Variants in XYLT1 observed in about 807,000 individuals in gnomAD.
XYLT1 encodes xylosyltransferase 1.
In XYLT1, 36 loss-of-function variants were observed where a neutral mutation model predicts 91.3. That is an observed-to-expected ratio of 0.39 (90% CI 0.30 to 0.52). The LOEUF (loss-of-function observed/expected upper bound fraction) is 0.52, where lower values mean the gene tolerates loss of function less well. Ranked by LOEUF, XYLT1 falls within the 20% of genes least tolerant of loss-of-function variation. XYLT1 has a pLI of 0.68. For missense variants in XYLT1, 1,242 were observed against 1,284.5 expected (o/e 0.97, Z 0.51); for synonymous variants, 588 against 532.0 (o/e 1.11, Z -1.45).
intron 6 of XYLT1, among the ~76,000 whole-genome samples, chr16:17,143,912 G>A (rs556678074): frequency 2.7e-5 from 4 of 150,310 alleles, no homozygotes; most frequent in South Asian, 4.3e-4. Context: ...CACCATCATC[G>A]TCACCAATTT....
intron 3 of XYLT1, among the ~76,000 whole-genome samples, chr16:17,212,174 A>G (rs1448898813): frequency 6.6e-6 from 1 of 152,068 alleles, no homozygotes; most frequent in Non-Finnish European, 1.5e-5. Context: ...TGAATCAGAA[A>G]CTCTGGGTGT....
chr16:17,344,135 G>A (rs946849863), intron 2 of XYLT1, among the ~76,000 whole-genome samples: 7 of 152,046 alleles, frequency 4.6e-5, no homozygotes, highest in Admixed American at 3.3e-4. Context: ...TTAAAATCTA[G>A]TGTGTACATG....
At chr16:17,112,928 C>G (rs1966845133) in intron 11 of XYLT1, among the ~76,000 whole-genome samples, 2 of 152,324 alleles carry the variant, frequency 1.3e-5, no homozygotes, top group East Asian at 1.9e-4. Flanking sequence ...CAACCTCCAC[C>G]TCCTGGGTTC....
intron 5 of XYLT1, among the ~76,000 whole-genome samples, chr16:17,180,157 C>T (rs2032034660): frequency 1.3e-5 from 2 of 152,200 alleles, no homozygotes; most frequent in African/African-American, 4.8e-5. Context: ...GGCCATCTCC[C>T]GGTCGCTCAG....
At chr16:17,338,149 A>C (rs747852209) in intron 2 of XYLT1, 1 of 455,762 alleles carries the variant, frequency 2.2e-6, no homozygotes, top group Admixed American at 2.4e-5. Context: ...GGCCTTTATC[A>C]TAACTCCCCT....
At chr16:17,215,584 T>G (rs2032840060) in intron 3 of XYLT1, among the ~76,000 whole-genome samples, 1 of 152,156 alleles carries the variant, frequency 6.6e-6, no homozygotes, top group Non-Finnish European at 1.5e-5. Context: ...TTAAGCCACC[T>G]GGTCTATGGT....
chr16:17,453,582 G>GA (rs1183771118), intron 1 of XYLT1, among the ~76,000 whole-genome samples: 1 of 152,198 alleles, frequency 6.6e-6, no homozygotes, highest in African/African-American at 2.4e-5. Context: ...CACCTCCGGG[G>GA]AAGTCTCCGT....
chr16:17,250,177 A>T (rs1399805317), intron 3 of XYLT1: 1 of 152,234 alleles, frequency 6.6e-6, no homozygotes. Context: ...GAACCAATGG[A>T]CATGGTACTC....
chr16:17,110,338 G>A (rs1415945180), intron 11 of XYLT1, among the ~76,000 whole-genome samples: 1 of 152,176 alleles, frequency 6.6e-6, no homozygotes, highest in Non-Finnish European at 1.5e-5. Flanking sequence ...GAATCCCCAC[G>A]TGTTGTGGGA....
At position 17,127,746 on chromosome 16, in the gene XYLT1, G is replaced by A; in HGVS notation, c.2143C>T (p.Leu715=). 6.2e-7 allele frequency: 1 copy of A among 1,614,192 alleles called. No homozygotes were observed. Among genetic ancestry groups the A allele is most frequent in the Non-Finnish European group, 8.5e-7 (1 of 1,180,024 alleles). Residue 715 remains leucine, a synonymous_variant, in exon 10 of 12, where the codon CTG becomes TTG. Coordinates refer to ENST00000261381, the MANE Select transcript of XYLT1 (RefSeq NM_022166.4). ...TTTTTCGGCATCACCCAGGTCTCCA[G>A]AGTCTCTAGTTTGCTCACAGCCAGA... The part of the protein sequence containing the change: ...TNLAVSKLET[L]ETWVMPKKVF...
intron 1 of XYLT1, among the ~76,000 whole-genome samples, chr16:17,380,517 A>T (rs1313049089): frequency 6.6e-6 from 1 of 152,226 alleles, no homozygotes; most frequent in Admixed American, 6.5e-5. Flanking sequence ...TTTTGTTATC[A>T]CATGCTTATA....
chr16:17,201,768 G>A (rs1027797996), intron 3 of XYLT1, among the ~76,000 whole-genome samples: 8 of 152,136 alleles, frequency 5.3e-5, no homozygotes, highest in Non-Finnish European at 1.5e-5. Context: ...GAGCCACTGT[G>A]CCCGGTGAGA....
At chr16:17,228,218 T>C (rs1380903166) in intron 3 of XYLT1, among the ~76,000 whole-genome samples, 1 of 152,172 alleles carries the variant, frequency 6.6e-6, no homozygotes, top group Non-Finnish European at 1.5e-5. Context: ...CTCCTTCCAG[T>C]GGGATTCTTT....
chr16:17,149,649 G>T (rs1280804883), intron 6 of XYLT1, among the ~76,000 whole-genome samples: 2 of 152,226 alleles, frequency 1.3e-5, no homozygotes, highest in Non-Finnish European at 2.9e-5. Context: ...GGAAAGGGCA[G>T]TTTAGCTGCC....
At chr16:17,267,599 C>A (rs113500570) in intron 2 of XYLT1, among the ~76,000 whole-genome samples, 163 of 152,246 alleles carry the variant, frequency 1.1e-3, no homozygotes, top group African/African-American at 3.7e-3. Flanking sequence ...TTAGTAGAGA[C>A]GGGGTTTCAC....
At chr16:17,168,569 C>T (rs182630917) in intron 5 of XYLT1, among the ~76,000 whole-genome samples, 7 of 152,012 alleles carry the variant, frequency 4.6e-5, no homozygotes, top group East Asian at 1.9e-4. Context: ...AACCTGCACA[C>T]GTACCCACTG....
intron 6 of XYLT1, among the ~76,000 whole-genome samples, chr16:17,155,448 A>T (rs960315486): frequency 1.3e-5 from 2 of 152,096 alleles, no homozygotes; most frequent in Non-Finnish European, 2.9e-5. Flanking sequence ...CTTTACCCTT[A>T]AGCTAGTTTG....
At chr16:17,346,270 C>T (rs2035142763) in intron 2 of XYLT1, among the ~76,000 whole-genome samples, 1 of 152,188 alleles carries the variant, frequency 6.6e-6, no homozygotes, top group African/African-American at 2.4e-5. Flanking sequence ...CTTGGGGTTA[C>T]CAGGTCCAGA....
At position 17,459,949 on chromosome 16, in the gene XYLT1, C is replaced by A. The variant is rs561083205; in HGVS notation, c.363+10485G>T. Among the ~76,000 whole-genome samples the A allele has an allele frequency of 3.3e-5, 5 of 152,304 alleles. No individual in the cohort carries two copies. In the South Asian group the frequency reaches 1.0e-3, roughly 32 times the overall value. On this transcript the variant is annotated intron_variant, in intron 1 of 11. Transcript: ENST00000261381. ...GAACGCAGACAACCCCGTCTGAACA[C>A]TCCCACATTGTGCTGCTTGAAGACA...
Sources: allele counts gnomAD v4.1 joint callset (sites outside exome capture counted in the v4.1 genomes callset), GRCh38; gene constraint gnomAD v4.1.1; transcripts MANE v1.5; gene names NCBI Gene and HGNC (gene_info 2026-07-23, HGNC 2026-07-21).